Variants in GPHN observed in about 807,000 individuals in gnomAD.
GPHN encodes gephyrin.
GPHN carries 17 observed loss-of-function variants against 95.5 expected under a neutral mutation model. The observed-to-expected ratio is 0.18, with a 90% CI of 0.12 to 0.27. The LOEUF is 0.27. Ranked by LOEUF, GPHN falls within the 10% of genes least tolerant of loss-of-function variation. The probability of loss-of-function intolerance (pLI) is 1.00; values close to 1 mark genes in which losing one functional copy is unlikely to be tolerated. For missense variants in GPHN, 660 were observed against 978.1 expected, an observed-to-expected ratio of 0.67 and a Z score of 4.34; for synonymous variants, 320 against 322.5, an observed-to-expected ratio of 0.99 and a Z score of 0.08.
At chr14:67,467,542 C>T in the GPHN span, among the ~76,000 whole-genome samples, 1 of 152,128 alleles carries the variant, frequency 6.6e-6, no homozygotes, top group Non-Finnish European at 1.5e-5. Context: ...CTCCACTAGG[C>T]GGGATCTTTG....
chr14:66,846,068 G>T (rs2062324907), intron 4 of GPHN, among the ~76,000 whole-genome samples: 1 of 152,136 alleles, frequency 6.6e-6, no homozygotes, highest in Non-Finnish European at 1.5e-5. Context: ...GTTTAAAACT[G>T]CAGTAGTTAA....
chr14:66,952,211 G>T (rs562502231), intron 8 of GPHN, among the ~76,000 whole-genome samples: 18 of 152,022 alleles, frequency 1.2e-4, no homozygotes, highest in Non-Finnish European at 2.6e-4. Flanking sequence ...TCTGCCCCCA[G>T]CCCCTGACAA....
chr14:67,076,402 G>T (rs919957968), intron 11 of GPHN, among the ~76,000 whole-genome samples: 1 of 151,948 alleles, frequency 6.6e-6, no homozygotes, highest in African/African-American at 2.4e-5. Flanking sequence ...TCAGTTTATT[G>T]CGGTAGTCTT....
At chr14:66,812,744 A>G (rs1252553631) in intron 3 of GPHN, among the ~76,000 whole-genome samples, 1 of 152,242 alleles carries the variant, frequency 6.6e-6, no homozygotes, top group East Asian at 1.9e-4. Context: ...ATCCAGCTCT[A>G]TAAAGCAGGT....
intron 2 of GPHN, among the ~76,000 whole-genome samples, chr14:66,700,785 T>C (rs1403830912): frequency 6.6e-6 from 1 of 152,004 alleles, no homozygotes; most frequent in Non-Finnish European, 1.5e-5. Context: ...TAGCTGGGCG[T>C]GGTGGCGTGC....
chr14:66,827,897 T>C (rs971122431), intron 4 of GPHN, among the ~76,000 whole-genome samples: 2 of 152,072 alleles, frequency 1.3e-5, no homozygotes, highest in African/African-American at 4.8e-5. Context: ...TGGCATTGTA[T>C]ATTTCATTAT....
At chr14:67,370,508 A>G in the GPHN span, among the ~76,000 whole-genome samples, 1 of 152,202 alleles carries the variant, frequency 6.6e-6, no homozygotes, top group Non-Finnish European at 1.5e-5. Flanking sequence ...CAAATTACCA[A>G]TCTGGAATGA....
chr14:67,035,904 T>G (rs1192491797), intron 10 of GPHN, among the ~76,000 whole-genome samples: 1 of 151,624 alleles, frequency 6.6e-6, no homozygotes, highest in Non-Finnish European at 1.5e-5. Context: ...CAAAATAAAT[T>G]TATTAGGCAA....
chr14:67,674,534 T>C, the GPHN span: 2 of 1,516,366 alleles, frequency 1.3e-6, no homozygotes, highest in Non-Finnish European at 1.8e-6. Context: ...TTCGGGGCCC[T>C]GGGCCCTTTC....
At chr14:67,083,491 T>TGTA (rs2076771093) in intron 11 of GPHN, among the ~76,000 whole-genome samples, 1 of 152,206 alleles carries the variant, frequency 6.6e-6, no homozygotes, top group Non-Finnish European at 1.5e-5. Context: ...CTATGCTTCT[T>TGTA]GTACAGCCTA....
At chr14:66,842,737 C>G in intron 4 of GPHN, 1 of 1,493,128 alleles carries the variant, frequency 6.7e-7, no homozygotes, top group Non-Finnish European at 9.0e-7. Flanking sequence ...ACTTCAATCC[C>G]AGCCAATCAT....
intron 1 of GPHN, among the ~76,000 whole-genome samples, chr14:66,545,166 C>T (rs1302859562): frequency 2.0e-5 from 3 of 151,586 alleles, no homozygotes; most frequent in Admixed American, 1.3e-4. Flanking sequence ...CGGGCAGAGG[C>T]GCCCCCCACC....
chr14:67,526,438 G>A, the GPHN span, among the ~76,000 whole-genome samples: 5 of 152,272 alleles, frequency 3.3e-5, no homozygotes, highest in Non-Finnish European at 7.3e-5. Flanking sequence ...GCTTTGCACA[G>A]TAGGAAAAGG....
chr14:67,582,107 G>A, the GPHN span: 8 of 1,612,940 alleles, frequency 5.0e-6, no homozygotes, highest in Admixed American at 5.0e-5. This position sits in a 1 kb window ranked among gnomAD's most constrained non-coding sequence, Gnocchi z 5.0. Context: ...GAGACGGACC[G>A]AGAACGGCTG....
chr14:67,190,014 A>AT, the GPHN span, among the ~76,000 whole-genome samples: 199 of 113,214 alleles, frequency 1.8e-3, no homozygotes, highest in Middle Eastern at 5.3e-3. Context: ...CTAATTTTGT[A>AT]TTTTTTTTTT....
At chr14:66,785,679 T>C (rs1263708095) in intron 3 of GPHN, among the ~76,000 whole-genome samples, 1 of 135,634 alleles carries the variant, frequency 7.4e-6, no homozygotes, top group African/African-American at 2.8e-5. Flanking sequence ...AAATTATGCA[T>C]AGTATGTCCT....
At chr14:67,275,377 TC>T in the GPHN span, among the ~76,000 whole-genome samples, 30 of 152,316 alleles carry the variant, frequency 2.0e-4, no homozygotes, top group Non-Finnish European at 3.5e-4. Flanking sequence ...ATTGAGATAA[TC>T]ATGTGGTTTT....
the GPHN span, among the ~76,000 whole-genome samples, chr14:67,285,366 A>AT: frequency 0.012 from 1,671 of 137,842 alleles, 18 homozygotes; most frequent in Middle Eastern, 0.023. Context: ...CCTTAGGTAA[A>AT]TTTTTTTTTT....
At chr14:67,620,936 G>C in the GPHN span, 1 of 1,614,154 alleles carries the variant, frequency 6.2e-7, no homozygotes, top group African/African-American at 1.3e-5. Context: ...CATAAGAGAA[G>C]CTGGCTTGAT....
Sources: gnomAD v4.1 joint callset for allele counts (sites outside exome capture counted in the v4.1 genomes callset) on GRCh38, gnomAD v4.1.1 for gene constraint, Gnocchi (gnomAD v3.1) non-coding constraint, MANE v1.5 for transcripts, NCBI Gene and HGNC (gene_info 2026-07-23, HGNC 2026-07-21) for gene names.